CSNK1G1: variants seen among roughly 807,000 people sequenced by gnomAD.
CSNK1G1 encodes casein kinase I isoform gamma-1.
In CSNK1G1, 22 loss-of-function variants were observed where a neutral mutation model predicts 59.6. The ratio of observed to expected loss-of-function variants is 0.37; its 90% CI spans 0.26 to 0.53. CSNK1G1 has a LOEUF of 0.53. Among genes scored for constraint, CSNK1G1 ranks in the 20% least tolerant of loss-of-function variants. The pLI is 0.89. For missense variants in CSNK1G1, 384 were observed against 519.5 expected (o/e 0.74, Z 2.54); for synonymous variants, 179 against 177.1 (o/e 1.01, Z -0.08).
Position 64,239,268 on chromosome 15 carries a change from A to G in CSNK1G1, c.292+12244T>C, listed in dbSNP as rs1418696235. ...CAAGAAAATATGACACCACCAAAGA[A>G]GCATAACTCTTTAGTAATAGACCCC... On this transcript the variant is annotated intron_variant, in intron 4 of 11. Coordinates refer to ENST00000303052, the MANE Select transcript of CSNK1G1 (RefSeq NM_022048.5). 2.0e-5 allele frequency among the ~76,000 whole-genome samples: 3 copies of G among 152,242 alleles called. No homozygotes were observed. The South Asian group carries it at 6.2e-4, about 31-fold the overall frequency.
chr15:64,314,729 T>C (rs1047176274), intron 1 of CSNK1G1, among the ~76,000 whole-genome samples: 1 of 152,212 alleles, frequency 6.6e-6, no homozygotes, highest in Non-Finnish European at 1.5e-5. Context: ...CACGCGGTGT[T>C]TGTTTTTCTG....
chr15:64,174,016 T>C (rs2081710323), intron 11 of CSNK1G1, among the ~76,000 whole-genome samples: 1 of 152,266 alleles, frequency 6.6e-6, no homozygotes, highest in African/African-American at 2.4e-5. Flanking sequence ...TCTATTTCAA[T>C]AGACTTACCT....
rs942086351 is a variant in CSNK1G1 at position 64,210,311 on chromosome 15, T to C, written c.680-2717A>G. On this transcript the variant is annotated intron_variant, in intron 6 of 11. Transcript: ENST00000303052. This position sits in a 1 kb window ranked among gnomAD's most constrained non-coding sequence, Gnocchi z 4.2. ...AGAATTTGAAAAGTCATTTTCCAGC[T>C]CTAAAATTCTAAAATAATCTGATAA... is the stretch of plus-strand genomic sequence containing the variant. Among the ~76,000 whole-genome samples, 10 of 152,276 alleles carry C rather than the reference T, an allele frequency of 6.6e-5. No homozygotes were observed. Among genetic ancestry groups the C allele is most frequent in the African/African-American group, 2.2e-4 (9 of 41,566 alleles).
chr15:64,206,087 C>CT (rs1295452708), intron 7 of CSNK1G1, among the ~76,000 whole-genome samples: 2 of 152,170 alleles, frequency 1.3e-5, no homozygotes, highest in South Asian at 2.1e-4. Context: ...TGGGTGATCA[C>CT]TTGAGGTCAG....
chr15:64,305,727 A>G (rs577893220), intron 1 of CSNK1G1, among the ~76,000 whole-genome samples: 11 of 151,226 alleles, frequency 7.3e-5, no homozygotes, highest in Admixed American at 6.6e-4. Context: ...AAAACAAAAA[A>G]AAAACTTACT....
intron 10 of CSNK1G1, among the ~76,000 whole-genome samples, chr15:64,183,226 T>C (rs999747875): frequency 3.9e-5 from 6 of 152,156 alleles, no homozygotes; most frequent in Admixed American, 3.9e-4. Context: ...TCGCTACAAA[T>C]TGCCACTTGG....
Position 64,170,528 on chromosome 15 carries a change from C to G in CSNK1G1, c.*1403G>C, listed in dbSNP as rs1238175030. 1 of 152,656 alleles carries G rather than the reference C, an allele frequency of 6.6e-6. No homozygotes were observed. The highest frequency in any genetic ancestry group is 1.5e-5 in the Non-Finnish European group (1 of 68,058). 9.5% of individuals were successfully genotyped at this position (152,656 alleles called of 1,614,324 possible). ...TAAGCTTGGTTTCTGATAAGGCAGGCCAGCCCAAATGCTACAGCTCAGCTA... is the reference window on the plus strand; with the variant it reads ...TAAGCTTGGTTTCTGATAAGGCAGGGCAGCCCAAATGCTACAGCTCAGCTA... On this transcript the variant is annotated 3_prime_UTR_variant, in exon 12 of 12. Transcript: ENST00000303052.
intron 4 of CSNK1G1, among the ~76,000 whole-genome samples, chr15:64,250,512 G>A (rs567755105): frequency 5.9e-5 from 9 of 152,186 alleles, no homozygotes; most frequent in Non-Finnish European, 1.2e-4. Flanking sequence ...GGAGGCTGAA[G>A]GCAGGAGGAT....
At chr15:64,198,334 T>C (rs1410192544) in intron 10 of CSNK1G1, among the ~76,000 whole-genome samples, 1 of 151,456 alleles carries the variant, frequency 6.6e-6, no homozygotes, top group African/African-American at 2.4e-5. Context: ...GCCTCCCAAG[T>C]AACTGAGATT....
intron 10 of CSNK1G1, among the ~76,000 whole-genome samples, chr15:64,189,815 CTTTTTTT>C (rs970702567): frequency 1.6e-5 from 2 of 127,316 alleles, no homozygotes; most frequent in Non-Finnish European, 3.3e-5. Context: ...CTACAATTTA[CTTTTTTT>C]TTTTTTTTTT....
At chr15:64,346,323 T>C (rs1897968247) in intron 1 of CSNK1G1, among the ~76,000 whole-genome samples, 1 of 151,506 alleles carries the variant, frequency 6.6e-6, no homozygotes, top group Admixed American at 6.6e-5. Context: ...AAAACTAACT[T>C]AAAATAAACC....
At chr15:64,276,831 C>T (rs1433886796) in intron 2 of CSNK1G1, among the ~76,000 whole-genome samples, 1 of 151,380 alleles carries the variant, frequency 6.6e-6, no homozygotes, top group African/African-American at 2.4e-5. Flanking sequence ...CCTGTAGTCC[C>T]AGCTACTTGA....
At chr15:64,226,246 A>G (rs912779426) in intron 4 of CSNK1G1, among the ~76,000 whole-genome samples, 1 of 152,172 alleles carries the variant, frequency 6.6e-6, no homozygotes, top group Non-Finnish European at 1.5e-5. Context: ...GCAGAGGAGT[A>G]AAGTCCTTTC....
At chr15:64,262,981 A>G (rs907992698) in intron 2 of CSNK1G1, among the ~76,000 whole-genome samples, 2 of 149,198 alleles carry the variant, frequency 1.3e-5, no homozygotes, top group African/African-American at 4.9e-5. Flanking sequence ...TGGGAGGCTG[A>G]GACAGGAGAA....
chr15:64,330,120 TTCTGAAACTATTCCA>T (rs1487212556), intron 1 of CSNK1G1, among the ~76,000 whole-genome samples: 1 of 107,320 alleles, frequency 9.3e-6, no homozygotes, highest in African/African-American at 3.7e-5. Flanking sequence ...GTACCATTCC[TTCTGAAACTATTCCA>T]ATCAATAGAA....
At chr15:64,202,802 C>T (rs1481373787) in intron 10 of CSNK1G1, among the ~76,000 whole-genome samples, 1 of 152,128 alleles carries the variant, frequency 6.6e-6, no homozygotes. Context: ...ATCTACCTGC[C>T]TTGGCCTCCC....
intron 1 of CSNK1G1, chr15:64,316,952 G>A (rs1194404549): frequency 3.3e-5 from 5 of 152,150 alleles, no homozygotes; most frequent in African/African-American, 1.2e-4. Context: ...TGGAGAGCTT[G>A]GTTTTTTGAG....
chr15:64,227,571 C>T (rs1229242826), intron 4 of CSNK1G1, among the ~76,000 whole-genome samples: 3 of 152,122 alleles, frequency 2.0e-5, no homozygotes, highest in Admixed American at 1.3e-4. Flanking sequence ...GAAAGGAAGT[C>T]CAGTAACTTC....
chr15:64,326,319 C>T (rs1896831713), intron 1 of CSNK1G1, among the ~76,000 whole-genome samples: 1 of 152,160 alleles, frequency 6.6e-6, no homozygotes, highest in Non-Finnish European at 1.5e-5. Context: ...AGCCACCATG[C>T]CTGGCCCAAG....
Sources: allele counts gnomAD v4.1 joint callset (sites outside exome capture counted in the v4.1 genomes callset), GRCh38; gene constraint gnomAD v4.1.1; non-coding constraint Gnocchi (gnomAD v3.1); transcripts MANE v1.5; gene names NCBI Gene and HGNC (gene_info 2026-07-23, HGNC 2026-07-21).